The following CNTNAP5 variants were observed in gnomAD, a reference collection of about 807,000 sequenced individuals.
The protein encoded by CNTNAP5 is contactin associated protein family member 5.
Under a neutral mutation model 150.2 loss-of-function variants are expected in CNTNAP5, and 72 were observed. That is an observed-to-expected ratio of 0.48 (90% confidence interval 0.40 to 0.58). The LOEUF (loss-of-function observed/expected upper bound fraction) is 0.58, where lower values mean the gene tolerates loss of function less well. Among genes scored for constraint, CNTNAP5 ranks in the 20% least tolerant of loss-of-function variants. CNTNAP5 has a pLI of 0.00. For missense variants in CNTNAP5, 1,636 were observed against 1,626.2 expected (o/e 1.01, Z -0.10); for synonymous variants, 672 against 619.8 (o/e 1.08, Z -1.25).
chr2:124,195,446 A>G (rs1478811368), intron 1 of CNTNAP5, among the ~76,000 whole-genome samples: 1 of 152,168 alleles, frequency 6.6e-6, no homozygotes, highest in Non-Finnish European at 1.5e-5. Context: ...AATACTCAAC[A>G]CTGTCCCACA....
chr2:124,466,727 T>C (rs1473564783), intron 6 of CNTNAP5, among the ~76,000 whole-genome samples: 3 of 152,186 alleles, frequency 2.0e-5, no homozygotes, highest in East Asian at 1.9e-4. Context: ...TGCCAACGAA[T>C]GGATGAGCAC....
intron 19 of CNTNAP5, among the ~76,000 whole-genome samples, chr2:124,824,223 G>A (rs62171358): frequency 0.05 from 7,579 of 151,964 alleles, 553 homozygotes; most frequent in African/African-American, 0.16. Context: ...TGGCCCTTAT[G>A]TTCTTTTAGA....
chr2:124,274,852 C>A (rs543009789), intron 3 of CNTNAP5, among the ~76,000 whole-genome samples: 14 of 152,224 alleles, frequency 9.2e-5, no homozygotes, highest in African/African-American at 3.4e-4. Flanking sequence ...CCATCCCAGG[C>A]CATCTGACTT....
chr2:124,810,657 G>C (rs1229573126), intron 19 of CNTNAP5, among the ~76,000 whole-genome samples: 1 of 152,066 alleles, frequency 6.6e-6, no homozygotes, highest in Non-Finnish European at 1.5e-5. Context: ...AAAAAAGAAA[G>C]ACATGAGATC....
chr2:124,556,265 A>G (rs538714646), intron 10 of CNTNAP5, among the ~76,000 whole-genome samples: 41 of 152,212 alleles, frequency 2.7e-4, no homozygotes, highest in Non-Finnish European at 1.3e-4. Context: ...ATCTAGTCTC[A>G]CTTTTTAAAT....
intron 3 of CNTNAP5, among the ~76,000 whole-genome samples, chr2:124,305,206 AG>A (rs1278285188): frequency 1.3e-5 from 2 of 151,458 alleles, no homozygotes; most frequent in African/African-American, 4.9e-5. Flanking sequence ...TTGTGCCCAA[AG>A]TTTGAGACTG....
intron 1 of CNTNAP5, among the ~76,000 whole-genome samples, chr2:124,199,277 A>G (rs1328617880): frequency 6.6e-6 from 1 of 152,130 alleles, no homozygotes; most frequent in South Asian, 2.1e-4. Flanking sequence ...TATTTAGGGA[A>G]CATCACAATT....
At chr2:124,697,277 A>G (rs1010077833) in intron 13 of CNTNAP5, among the ~76,000 whole-genome samples, 1 of 152,128 alleles carries the variant, frequency 6.6e-6, no homozygotes, top group South Asian at 2.1e-4. Context: ...GTCCAGAGTT[A>G]CTTGGATTAC....
intron 5 of CNTNAP5, among the ~76,000 whole-genome samples, chr2:124,437,611 CT>C (rs1421210503): frequency 1.3e-5 from 2 of 151,976 alleles, no homozygotes; most frequent in African/African-American, 2.4e-5. Context: ...ATTTTAGTAT[CT>C]TTTAAGTATT....
At chr2:124,836,482 A>G in intron 19 of CNTNAP5, among the ~76,000 whole-genome samples, 1 of 152,010 alleles carries the variant, frequency 6.6e-6, no homozygotes. Flanking sequence ...GGGAATGGTG[A>G]TTTGGTTTTC....
At chr2:124,131,195 T>G (rs1683834249) in intron 1 of CNTNAP5, among the ~76,000 whole-genome samples, 1 of 152,180 alleles carries the variant, frequency 6.6e-6, no homozygotes, top group South Asian at 2.1e-4. Context: ...TTAAAGCTGA[T>G]GGAGCCCCAC....
chr2:124,297,721 A>G (rs1688470782), intron 3 of CNTNAP5, among the ~76,000 whole-genome samples: 7 of 151,966 alleles, frequency 4.6e-5, no homozygotes, highest in Admixed American at 4.6e-4. Context: ...CACCATCACC[A>G]GACGTAGTCT....
At chr2:124,910,893 C>G (rs748098703) in intron 22 of CNTNAP5, among the ~76,000 whole-genome samples, 4 of 151,854 alleles carry the variant, frequency 2.6e-5, no homozygotes. Context: ...AAGAGGTCTT[C>G]CTCAATGTCA....
At chr2:124,777,775 ATGTGTGTGTGTGTGTGTGTGTG>A (rs35863925) in intron 17 of CNTNAP5, among the ~76,000 whole-genome samples, 6 of 130,690 alleles carry the variant, frequency 4.6e-5, no homozygotes, top group South Asian at 2.7e-4. Flanking sequence ...GAATGGAGGG[ATGTGTGTGTGTGTGTGTGTGTG>A]TGTGTGTGTG....
intron 19 of CNTNAP5, among the ~76,000 whole-genome samples, chr2:124,820,540 G>C (rs1381802149): frequency 2.2e-5 from 3 of 137,884 alleles, no homozygotes; most frequent in African/African-American, 7.0e-5. Flanking sequence ...AAGGAAAGGG[G>C]GGGGAGAAAG....
chr2:124,431,792 A>G (rs924157050), intron 4 of CNTNAP5, among the ~76,000 whole-genome samples: 4 of 151,526 alleles, frequency 2.6e-5, no homozygotes, highest in African/African-American at 9.7e-5. Context: ...TGTAAGTGTA[A>G]TTGAATACAT....
At chr2:124,178,654 G>C (rs1451590617) in intron 1 of CNTNAP5, among the ~76,000 whole-genome samples, 1 of 152,156 alleles carries the variant, frequency 6.6e-6, no homozygotes, top group East Asian at 1.9e-4. Flanking sequence ...CAGTTCCTCA[G>C]AGGTAGTGCT....
chr2:124,243,493 A>T (rs1381821650), intron 3 of CNTNAP5, among the ~76,000 whole-genome samples: 4 of 152,204 alleles, frequency 2.6e-5, no homozygotes, highest in African/African-American at 9.6e-5. Context: ...GTTATGGCAG[A>T]CTGAATCCTG....
intron 11 of CNTNAP5, among the ~76,000 whole-genome samples, chr2:124,570,233 T>C (rs1696120578): frequency 6.6e-6 from 1 of 152,228 alleles, no homozygotes; most frequent in Non-Finnish European, 1.5e-5. Flanking sequence ...GTCAAGTTAC[T>C]GTAGCAAGAG....
Sources: allele counts gnomAD v4.1 joint callset (sites outside exome capture counted in the v4.1 genomes callset), GRCh38; gene constraint gnomAD v4.1.1; transcripts MANE v1.5; gene names NCBI Gene and HGNC (gene_info 2026-07-23, HGNC 2026-07-21).